EXOC1: variants seen among roughly 807,000 people sequenced by gnomAD.
EXOC1 encodes exocyst complex component 1.
Under a neutral mutation model 107.7 loss-of-function variants are expected in EXOC1, and 67 were observed. The observed-to-expected ratio is 0.62, with a 90% CI of 0.51 to 0.76. The LOEUF (loss-of-function observed/expected upper bound fraction) is 0.76, where lower values mean the gene tolerates loss of function less well. EXOC1 is among the 30% of genes least tolerant of loss of function. EXOC1 has a pLI of 0.00. For missense variants in EXOC1, 833 were observed against 1,055.7 expected (o/e 0.79, Z 2.92); for synonymous variants, 348 against 353.5 (o/e 0.98, Z 0.17).
rs1450722864 is a variant in EXOC1, at chr4:55,883,822, G to T, written c.1225-1G>T. ...GAAGTACATGTTACTTTTATTTTAA[G>T]AATTACATGGATTATTTATCCCGAC... On this transcript the variant is annotated splice_acceptor_variant, in intron 9 of 18. Transcript: ENST00000381295. LOFTEE classifies it high-confidence loss of function. The T allele has an allele frequency of 1.3e-6, 2 of 1,551,984 alleles. No individual in the cohort carries two copies. The highest frequency in any genetic ancestry group is 2.3e-5 in the East Asian group (1 of 43,308).
chr4:55,894,896 A>G (rs1725027508), intron 15 of EXOC1, among the ~76,000 whole-genome samples: 1 of 152,098 alleles, frequency 6.6e-6, no homozygotes, highest in Non-Finnish European at 1.5e-5. Flanking sequence ...TGCTGAGATT[A>G]CAAGCAAGAG....
intron 10 of EXOC1, among the ~76,000 whole-genome samples, chr4:55,885,901 G>A (rs886375564): frequency 1.3e-5 from 2 of 152,072 alleles, no homozygotes; most frequent in Non-Finnish European, 2.9e-5. Flanking sequence ...TATCTTTTCA[G>A]TGATTCAAAT....
In EXOC1 at chr4:55,904,381, G is replaced by A. The variant is rs766560183; in HGVS notation, c.2571G>A (p.Gln857=). ...CCATGCAAGATGAATTTATACGCCA[G>A]TATAAGCACTTTGAAGGTTTGATAG... The part of the protein sequence containing the change: ...WHSMQDEFIR[Q]YKHFEGLIAR... The change falls in exon 19 of 19, where the codon CAG becomes CAA. Residue 857 remains glutamine (Q), a synonymous_variant. Coordinates refer to ENST00000381295, the MANE Select transcript of EXOC1 (RefSeq NM_001024924.2). 1 of 1,611,444 alleles carries A rather than the reference G, an allele frequency of 6.2e-7. No homozygotes were observed. The highest frequency in any genetic ancestry group is 2.2e-5 in the East Asian group (1 of 44,778).
intron 5 of EXOC1, 54 bp downstream of exon 5, chr4:55,868,577 T>C (rs1377975476): frequency 1.3e-5 from 19 of 1,518,774 alleles, no homozygotes; most frequent in Non-Finnish European, 1.7e-5. Context: ...TTGAGAAGGC[T>C]AATGATGTTC....
intron 3 of EXOC1, among the ~76,000 whole-genome samples, chr4:55,863,072 T>C (rs1168143859): frequency 1.3e-5 from 2 of 152,122 alleles, no homozygotes. Flanking sequence ...GGCTAATTTT[T>C]GTGTTTTTTG....
chr4:55,895,903 GTT>G (rs1725148271), intron 15 of EXOC1, among the ~76,000 whole-genome samples: 1 of 152,186 alleles, frequency 6.6e-6, no homozygotes, highest in Admixed American at 6.5e-5. Flanking sequence ...AAAATAGAGA[GTT>G]TGTCTATCCA....
intron 15 of EXOC1, among the ~76,000 whole-genome samples, chr4:55,896,039 C>A (rs1725164969): frequency 6.6e-6 from 1 of 152,152 alleles, no homozygotes; most frequent in African/African-American, 2.4e-5. Context: ...TCTCCTGTAA[C>A]CTAAAATCAG....
rs920552354 is a variant in EXOC1 at position 55,856,134 on chromosome 4, A to G, written c.-10-2180A>G. ...AATTGCCGAGCAGCATTGAAAGTCTAACTTTCACTGGATGTAGATATTTGT... is the reference window on the plus strand; with the variant it reads ...AATTGCCGAGCAGCATTGAAAGTCTGACTTTCACTGGATGTAGATATTTGT... On this transcript the variant is annotated intron_variant, in intron 1 of 18. Coordinates refer to ENST00000381295, the MANE Select transcript of EXOC1 (RefSeq NM_001024924.2). 2.6e-5 allele frequency among the ~76,000 whole-genome samples: 4 copies of G among 152,244 alleles called. No homozygotes were observed. In the East Asian group the frequency reaches 5.8e-4, roughly 22 times the overall value.
chr4:55,874,238 C>T (rs1722694615), intron 8 of EXOC1, among the ~76,000 whole-genome samples: 1 of 152,038 alleles, frequency 6.6e-6, no homozygotes, highest in Non-Finnish European at 1.5e-5. Context: ...ATAATCTATT[C>T]ACAATATAAC....
rs979991122 is a variant in EXOC1 at position 55,868,498 on chromosome 4, C to G, written c.578C>G (p.Ser193Cys). ...GCGGAAGCCTTTGCAGAAAAATTGT[C>G]CAGAGAGCTGCAGGTGCTAGATGGG... ...SNAEAFAEKL[S>C]RELQVLDGAN... The change falls in exon 5 of 19, where the codon TCC becomes TGC. Residue 193 changes from serine (S) to cysteine (C), a missense_variant. Ser to Cys is a moderately radical substitution (Grantham distance 112). Coordinates refer to ENST00000381295, the MANE Select transcript of EXOC1 (RefSeq NM_001024924.2). 3 of 1,612,946 alleles carry G rather than the reference C, an allele frequency of 1.9e-6. No homozygotes were observed. Among genetic ancestry groups the G allele is most frequent in the East Asian group, 2.2e-5 (1 of 44,868 alleles).
chr4:55,888,781 T>A, intron 10 of EXOC1, 107 bp from the exon 11 acceptor site: 1 of 1,088,160 alleles, frequency 9.2e-7, no homozygotes, highest in Non-Finnish European at 1.4e-6. Flanking sequence ...GTTCTTTGCA[T>A]GTGTCTTTTA....
At chr4:55,875,451 G>T in intron 8 of EXOC1, 1 of 982,596 alleles carries the variant, frequency 1.0e-6, no homozygotes, top group South Asian at 4.7e-5. Flanking sequence ...TGACCCCAAT[G>T]TATCATTTCT....
intron 3 of EXOC1, among the ~76,000 whole-genome samples, chr4:55,861,679 G>C (rs1248406320): frequency 1.3e-5 from 2 of 152,210 alleles, no homozygotes; most frequent in East Asian, 3.8e-4. Context: ...CCAATGCTTA[G>C]AAAAATGTGA....
At chr4:55,860,249 A>G (rs112775460) in intron 2 of EXOC1, among the ~76,000 whole-genome samples, 162 bp from the exon 3 acceptor site, 3 of 152,172 alleles carry the variant, frequency 2.0e-5, no homozygotes, top group Non-Finnish European at 4.4e-5. Flanking sequence ...AGATGCTTCT[A>G]TTAGGATTCT....
intron 2 of EXOC1, 49 bp downstream of exon 2, chr4:55,858,496 T>C: frequency 6.7e-7 from 1 of 1,493,874 alleles, no homozygotes; most frequent in Non-Finnish European, 8.9e-7. Flanking sequence ...TTTTATTATT[T>C]AGAAGATATT....
rs781172342 is a variant in EXOC1, at chr4:55,871,220, A to T, written c.951A>T (p.Val317=). 3 of 1,612,930 alleles carry T rather than the reference A, an allele frequency of 1.9e-6. No homozygotes were observed. In the East Asian group the frequency reaches 6.7e-5, roughly 36 times the overall value. The change falls in exon 7 of 19, where the codon GTA becomes GTT. Residue 317 remains valine, a synonymous_variant. Coordinates refer to ENST00000381295, the MANE Select transcript of EXOC1 (RefSeq NM_001024924.2). ...ATGCCCTTCTGCAGTGCATGAATGT[A>T]GCTCTTCGACCAGGTATGTTCATTA... ...AADALLQCMN[V]ALRPGHDLLL... is the part of the protein sequence containing the mutation.
In EXOC1 at chr4:55,864,341, C is replaced by T. The variant is rs144495596; in HGVS notation, c.370C>T (p.Arg124Trp). 63 of 1,609,704 alleles carry T rather than the reference C, an allele frequency of 3.9e-5. No homozygotes were observed. The East Asian group carries it at 7.2e-4, about 18-fold the overall frequency. Residue 124 changes from arginine (R) to tryptophan (W), a missense_variant, in exon 4 of 19, where the codon CGG becomes TGG. Physicochemically the swap from Arg to Trp is moderately radical, Grantham distance 101. Coordinates refer to ENST00000381295, the MANE Select transcript of EXOC1 (RefSeq NM_001024924.2). ...TTGGAAATTGAATCAGCGATATCTC[C>T]GGAAGAAAATTGATTTTGTCAATGT... Reference protein sequence around the residue: ...CIWKLNQRYLRKKIDFVNVSS... With the variant: ...CIWKLNQRYLWKKIDFVNVSS...
intron 10 of EXOC1, among the ~76,000 whole-genome samples, chr4:55,884,898 T>TA (rs1481684526): frequency 2.6e-5 from 4 of 152,170 alleles, no homozygotes; most frequent in South Asian, 2.1e-4. Flanking sequence ...TCACTGTTTT[T>TA]AAAAAAATGC....
chr4:55,865,407 G>A (rs965861232), intron 4 of EXOC1, among the ~76,000 whole-genome samples: 3 of 152,172 alleles, frequency 2.0e-5, no homozygotes, highest in Admixed American at 6.5e-5. Context: ...AGTCACATAT[G>A]TCAGCCACCA....
Sources: gnomAD v4.1 joint callset for allele counts (sites outside exome capture counted in the v4.1 genomes callset) on GRCh38, gnomAD v4.1.1 for gene constraint, MANE v1.5 for transcripts, NCBI Gene and HGNC (gene_info 2026-07-23, HGNC 2026-07-21) for gene names.